Variants in DLGAP2 observed in about 807,000 individuals in gnomAD.
DLGAP2 encodes the protein disks large-associated protein 2.
Under a neutral mutation model 100.3 loss-of-function variants are expected in DLGAP2, and 26 were observed. That is an observed-to-expected ratio of 0.26 (90% CI 0.19 to 0.36). The LOEUF is 0.36. Ranked by LOEUF, DLGAP2 falls within the 10% of genes least tolerant of loss-of-function variation. The pLI, the probability that DLGAP2 is intolerant of heterozygous loss-of-function variation, is 1.00. For synonymous variants in DLGAP2, 886 were observed against 630.1 expected, an observed-to-expected ratio of 1.41 and a Z score of -6.08; for missense variants, 1,858 against 1,453.2, an observed-to-expected ratio of 1.28 and a Z score of -4.53.
chr8:989,072 C>T (rs1800573508), intron 2 of DLGAP2, among the ~76,000 whole-genome samples: 1 of 152,196 alleles, frequency 6.6e-6, no homozygotes, highest in Non-Finnish European at 1.5e-5. Context: ...TGTTTTAAAG[C>T]ACAGATCCCG....
At chr8:921,219 G>A (rs2129001469) in intron 2 of DLGAP2, among the ~76,000 whole-genome samples, 1 of 152,166 alleles carries the variant, frequency 6.6e-6, no homozygotes, top group East Asian at 1.9e-4. Flanking sequence ...AGACTAGATG[G>A]CTCTTTAGAC....
chr8:1,637,771 T>G (rs181662160), intron 8 of DLGAP2, among the ~76,000 whole-genome samples: 13 of 152,324 alleles, frequency 8.5e-5, no homozygotes, highest in Middle Eastern at 3.4e-3. Flanking sequence ...CCCGAAGGCC[T>G]AAAGTCTGGA....
chr8:1,349,515 T>G (rs1489462210), intron 3 of DLGAP2, among the ~76,000 whole-genome samples: 12 of 129,022 alleles, frequency 9.3e-5, no homozygotes, highest in South Asian at 7.6e-4. Context: ...TAGAAAGGGG[T>G]GTTTGAGGGG....
chr8:1,557,093 C>T (rs916882849), intron 5 of DLGAP2, among the ~76,000 whole-genome samples: 1 of 152,128 alleles, frequency 6.6e-6, no homozygotes, highest in African/African-American at 2.4e-5. Flanking sequence ...GGATGTTGAG[C>T]AGCATTTCTG....
intron 3 of DLGAP2, among the ~76,000 whole-genome samples, chr8:1,355,300 C>G (rs550993159): frequency 1.3e-5 from 2 of 152,212 alleles, no homozygotes; most frequent in East Asian, 3.9e-4. Flanking sequence ...CAGGGGTTGT[C>G]TCTGGGTGGT....
chr8:1,329,237 T>C (rs1348463406), intron 3 of DLGAP2, among the ~76,000 whole-genome samples: 2 of 152,252 alleles, frequency 1.3e-5, no homozygotes, highest in African/African-American at 2.4e-5. Flanking sequence ...TTTAAAAGTA[T>C]CTTTAATTTC....
rs542733484 is a variant in DLGAP2 at position 1,213,815 on chromosome 8, G to A, written c.74-45036G>A. Reference sequence around the variant, plus strand: ...CCCATGGCCATTGTGCTCAGCCACCGCTGCCTCCTGACCTGGTCTGGGTGA... The same window carrying A: ...CCCATGGCCATTGTGCTCAGCCACCACTGCCTCCTGACCTGGTCTGGGTGA... On this transcript the variant is annotated intron_variant, in intron 2 of 14. Transcript: ENST00000637795. Among the ~76,000 whole-genome samples the A allele has an allele frequency of 1.2e-3, 183 of 152,250 alleles. 1 individual carries two copies. The South Asian group carries it at 0.012, about 10-fold the overall frequency.
At chr8:855,663 A>C (rs1205682244) in intron 1 of DLGAP2, among the ~76,000 whole-genome samples, 4 of 152,188 alleles carry the variant, frequency 2.6e-5, no homozygotes, top group East Asian at 1.9e-4. Flanking sequence ...ATGGAAGTGC[A>C]GGAAGTGGGA....
intron 2 of DLGAP2, among the ~76,000 whole-genome samples, chr8:986,867 C>T (rs1800502803): frequency 2.0e-5 from 3 of 152,050 alleles, no homozygotes; most frequent in African/African-American, 7.3e-5. Flanking sequence ...GCCATGTTGG[C>T]CAGGCTGGTC....
chr8:1,020,697 CAG>C (rs1801601985), intron 2 of DLGAP2, among the ~76,000 whole-genome samples: 1 of 152,216 alleles, frequency 6.6e-6, no homozygotes, highest in Admixed American at 6.5e-5. Flanking sequence ...AACACCCACT[CAG>C]ACTGTCTTTG....
chr8:1,427,453 G>A (rs993175951), intron 3 of DLGAP2, among the ~76,000 whole-genome samples: 7 of 152,146 alleles, frequency 4.6e-5, no homozygotes. Context: ...AGTTGAGTTA[G>A]AAATAATATA....
rs758278309 is a variant in DLGAP2, at chr8:1,632,832, C to T, written c.1596C>T (p.Ser532=). The T allele has an allele frequency of 3.7e-6, 6 of 1,605,350 alleles. No homozygotes were observed. The East Asian group carries it at 6.7e-5, about 18-fold the overall frequency. Reference sequence around the variant, plus strand: ...TGTGCTGTTGATGATTGCAGGTGAGCGAGGCGGAGATCAATGGGCAATTCG... The same window carrying T: ...TGTGCTGTTGATGATTGCAGGTGAGTGAGGCGGAGATCAATGGGCAATTCG... ...LSQASCVSQV[S]EAEINGQFES... Residue 532 remains serine (S), a synonymous_variant, in exon 8 of 15, where the codon AGC becomes AGT. Transcript: ENST00000637795.
chr8:1,175,253 A>G (rs947918591), intron 2 of DLGAP2, among the ~76,000 whole-genome samples: 2 of 152,072 alleles, frequency 1.3e-5, no homozygotes, highest in African/African-American at 4.8e-5. Context: ...TTAAAAAAAA[A>G]ACCTAAGAAG....
At chr8:1,602,888 T>C (rs1263109853) in intron 6 of DLGAP2, among the ~76,000 whole-genome samples, 1 of 152,202 alleles carries the variant, frequency 6.6e-6, no homozygotes, top group African/African-American at 2.4e-5. Context: ...AAGTGAAGTG[T>C]GTAGCACCCT....
chr8:1,663,001 G>GGT (rs139095536), intron 8 of DLGAP2, among the ~76,000 whole-genome samples: 12 of 149,212 alleles, frequency 8.0e-5, no homozygotes, highest in African/African-American at 2.5e-4. Flanking sequence ...GTGAGTGTGG[G>GGT]GTGTGTGTGT....
intron 2 of DLGAP2, among the ~76,000 whole-genome samples, chr8:1,185,866 C>T (rs1797492586): frequency 6.6e-6 from 1 of 152,178 alleles, no homozygotes; most frequent in South Asian, 2.1e-4. Flanking sequence ...CAGTGACGCC[C>T]AACTTGCCCC....
intron 1 of DLGAP2, chr8:754,148 C>G (rs554281072): frequency 3.3e-5 from 5 of 152,268 alleles, no homozygotes; most frequent in Admixed American, 2.6e-4. Flanking sequence ...CGAGTCCTCA[C>G]GGCAGCCTCT....
chr8:1,050,359 G>A (rs1802643348), intron 2 of DLGAP2, among the ~76,000 whole-genome samples: 2 of 152,202 alleles, frequency 1.3e-5, no homozygotes, highest in African/African-American at 2.4e-5. Context: ...AATGTTGCAT[G>A]AGATATATAT....
chr8:1,136,209 C>G (rs1347576730), intron 2 of DLGAP2, among the ~76,000 whole-genome samples: 2 of 152,130 alleles, frequency 1.3e-5, no homozygotes, highest in Non-Finnish European at 2.9e-5. Context: ...CCCCTGGGTT[C>G]TGCTCCCTTA....
Sources: gnomAD v4.1 joint callset for allele counts (sites outside exome capture counted in the v4.1 genomes callset) on GRCh38, gnomAD v4.1.1 for gene constraint, MANE v1.5 for transcripts, NCBI Gene and HGNC (gene_info 2026-07-23, HGNC 2026-07-21) for gene names.